The following ANKRD6 variants were observed in gnomAD, a reference collection of about 807,000 sequenced individuals.
ANKRD6 encodes ankyrin repeat domain 6.
A neutral mutation model predicts 82.3 loss-of-function variants in ANKRD6; 56 were observed. The observed-to-expected ratio is 0.68, with a 90% confidence interval of 0.55 to 0.85. ANKRD6 has a LOEUF of 0.85. Ranked by LOEUF, ANKRD6 falls within the 40% of genes least tolerant of loss-of-function variation. The pLI, the probability that ANKRD6 is intolerant of heterozygous loss-of-function variation, is 0.00. For missense variants in ANKRD6, 852 were observed against 907.6 expected, an observed-to-expected ratio of 0.94 and a Z score of 0.79; for synonymous variants, 347 against 352.1, an observed-to-expected ratio of 0.99 and a Z score of 0.16.
At chr6:89,580,680 T>G (rs1005868533) in intron 2 of ANKRD6, among the ~76,000 whole-genome samples, 1 of 152,130 alleles carries the variant, frequency 6.6e-6, no homozygotes. Flanking sequence ...ATGCTGGTGT[T>G]CTAAGGCAGG....
At chr6:89,624,996 G>A (rs1805110804) in intron 13 of ANKRD6, among the ~76,000 whole-genome samples, 1 of 152,140 alleles carries the variant, frequency 6.6e-6, no homozygotes, top group Admixed American at 6.5e-5. Flanking sequence ...TAATATTTGG[G>A]TTTAGGCTGG....
rs1424431738 is a variant in ANKRD6 at position 89,633,263 on chromosome 6, C to T, written c.*2259C>T. The T allele has an allele frequency of 6.6e-6, 1 of 152,150 alleles. No individual in the cohort carries two copies. The highest frequency in any genetic ancestry group is 1.5e-5 in the Non-Finnish European group (1 of 68,026). The allele number at this position is 152,150 out of a possible 1,614,324, so 9.4% of individuals were successfully genotyped here. A position where few individuals can be genotyped will look rare whatever the true frequency, so the allele number is the denominator to read the frequency against. ...GAACAGGCTCAGTCAGCATCCTCAC[C>T]CAGAGATGGCAACATCTATTAAGAC... On this transcript the variant is annotated 3_prime_UTR_variant, in exon 16 of 16. Transcript: ENST00000339746.
At chr6:89,544,677 G>C (rs1784848494) in intron 1 of ANKRD6, among the ~76,000 whole-genome samples, 1 of 152,048 alleles carries the variant, frequency 6.6e-6, no homozygotes, top group Non-Finnish European at 1.5e-5. Context: ...TTGTGCCACT[G>C]CACTCCAGCC....
chr6:89,566,721 A>C (rs1583323056), intron 1 of ANKRD6, 113 bp from the exon 2 acceptor site: 1 of 406,672 alleles, frequency 2.5e-6, no homozygotes, highest in Non-Finnish European at 4.6e-6. Context: ...TCCCACAGCT[A>C]CCCTCCCCTG....
chr6:89,467,511 A>G (rs1390696393), intron 1 of ANKRD6, among the ~76,000 whole-genome samples: 1 of 152,200 alleles, frequency 6.6e-6, no homozygotes, highest in African/African-American at 2.4e-5. Context: ...CTATCTTAGT[A>G]TTTTAACTCT....
chr6:89,482,224 G>A (rs1359370427), intron 1 of ANKRD6, among the ~76,000 whole-genome samples: 1 of 152,208 alleles, frequency 6.6e-6, no homozygotes, highest in Non-Finnish European at 1.5e-5. Flanking sequence ...TATATCAGCA[G>A]CTTTTTGAGA....
chr6:89,440,760 A>G (rs183165901), intron 1 of ANKRD6, among the ~76,000 whole-genome samples: 2 of 151,998 alleles, frequency 1.3e-5, no homozygotes, highest in East Asian at 3.9e-4. Flanking sequence ...ATGCCTATGA[A>G]TAGCCACTGC....
intron 1 of ANKRD6, among the ~76,000 whole-genome samples, chr6:89,530,786 C>A (rs756462112): frequency 4.6e-5 from 7 of 152,210 alleles, no homozygotes; most frequent in Non-Finnish European, 8.8e-5. Flanking sequence ...GAAAGTTGTA[C>A]TTGCTGGGTG....
In ANKRD6 at chr6:89,629,451, T is replaced by G. The variant is rs1334060758; in HGVS notation, c.1612+213T>G. ...CACTCATTTATGTGCTCAAACTTAT[T>G]TGAATAAAGGAATTAAAGAATTGTT... On this transcript the variant is annotated intron_variant, in intron 15 of 15. Coordinates refer to ENST00000339746, the MANE Select transcript of ANKRD6 (RefSeq NM_001242809.2). The G allele has an allele frequency of 5.1e-5, 33 of 644,588 alleles. 1 individual carries two copies. In the Admixed American group the frequency reaches 7.6e-4, roughly 15 times the overall value. 39.9% of individuals were successfully genotyped at this position (644,588 alleles called of 1,614,324 possible). A position where few individuals can be genotyped will look rare whatever the true frequency, so the allele number is the denominator to read the frequency against.
intron 6 of ANKRD6, among the ~76,000 whole-genome samples, chr6:89,612,715 C>T (rs1390130163): frequency 6.6e-6 from 1 of 152,148 alleles, no homozygotes; most frequent in Non-Finnish European, 1.5e-5. Context: ...GAGTGTTGTA[C>T]TATTATCAGC....
At chr6:89,612,830 T>C (rs981252914) in intron 6 of ANKRD6, among the ~76,000 whole-genome samples, 1 of 152,222 alleles carries the variant, frequency 6.6e-6, no homozygotes, top group Non-Finnish European at 1.5e-5. Context: ...TGGGATGAGC[T>C]GACCGGAAAG....
rs200093363 is a variant in ANKRD6 at position 89,627,647 on chromosome 6, G to A, written c.1436G>A (p.Arg479His). 4.4e-4 allele frequency: 709 copies of A among 1,613,692 alleles called. 2 individuals are homozygous for A. Among genetic ancestry groups the A allele is most frequent in the Non-Finnish European group, 5.6e-4 (658 of 1,179,726 alleles). The change falls in exon 14 of 16, where the codon CGC (arginine) becomes CAC (histidine). Residue 479 changes from arginine (R) to histidine (H), a missense_variant. Coordinates refer to ENST00000339746, the MANE Select transcript of ANKRD6 (RefSeq NM_001242809.2). ...GCAGAGAGGACGGAGTGCCTGAACC[G>A]CCTGCAACAGCACTCAGACACAGAG... is the stretch of plus-strand genomic sequence containing the variant. ...LSAERTECLN[R>H]LQQHSDTEKH...
intron 10 of ANKRD6, 74 bp from the exon 11 acceptor site, chr6:89,623,336 G>C (rs565914455): frequency 1.3e-6 from 2 of 1,513,262 alleles, no homozygotes; most frequent in Non-Finnish European, 1.8e-6. Context: ...ATCTTGCAAA[G>C]AATATTTGAC....
intron 3 of ANKRD6, among the ~76,000 whole-genome samples, chr6:89,596,370 C>A (rs905977808): frequency 6.6e-6 from 1 of 152,006 alleles, no homozygotes; most frequent in African/African-American, 2.4e-5. Flanking sequence ...TGAGTATGGG[C>A]AAGACTTGCC....
chr6:89,630,569 TACA>T lies in ANKRD6; in HGVS notation c.1750_1752del (p.Thr584del). The T allele has an allele frequency of 6.2e-7, 1 of 1,613,910 alleles. No homozygotes were observed. The highest frequency in any genetic ancestry group is 8.5e-7 in the Non-Finnish European group (1 of 1,179,828). ...AGCAGGAGCTGTCGTCTTCTGACTG[TACA>T]GGCTCCCGACTGAGAAACGTCAAGG... On this transcript the variant is annotated inframe_deletion, in exon 16 of 16. Coordinates refer to ENST00000339746, the MANE Select transcript of ANKRD6 (RefSeq NM_001242809.2).
chr6:89,603,831 T>G (rs1469433616), intron 4 of ANKRD6, among the ~76,000 whole-genome samples: 2 of 151,876 alleles, frequency 1.3e-5, no homozygotes, highest in Non-Finnish European at 2.9e-5. Flanking sequence ...ACAAAAAATT[T>G]GAAAATTAAG....
intron 14 of ANKRD6, 31 bp from the exon 15 acceptor site, chr6:89,629,081 C>T (rs748164838): frequency 3.9e-5 from 62 of 1,594,538 alleles, no homozygotes; most frequent in Admixed American, 6.9e-5. Flanking sequence ...CTTCTATGTA[C>T]TTATTTGTGG....
rs192947328 is a variant in ANKRD6, at chr6:89,540,769, T to G, written c.-143-26065T>G. Among the ~76,000 whole-genome samples, 143 of 152,344 alleles carry G rather than the reference T, an allele frequency of 9.4e-4. 1 individual carries two copies. The highest frequency in any genetic ancestry group is 3.4e-3 in the Middle Eastern group (1 of 294). ...TTGTTTCATGGTTGCGGTATTAGAT[T>G]TAAGTCTTTAATCCATTTTGATATG... On this transcript the variant is annotated intron_variant, in intron 1 of 15. Transcript: ENST00000339746.
intron 2 of ANKRD6, among the ~76,000 whole-genome samples, chr6:89,590,951 A>G (rs1794755545): frequency 6.6e-6 from 1 of 152,208 alleles, no homozygotes; most frequent in Non-Finnish European, 1.5e-5. Context: ...CAAGCGTTCA[A>G]TAAATTCTGG....
Sources: gnomAD v4.1 joint callset for allele counts (sites outside exome capture counted in the v4.1 genomes callset) on GRCh38, gnomAD v4.1.1 for gene constraint, MANE v1.5 for transcripts, NCBI Gene and HGNC (gene_info 2026-07-23, HGNC 2026-07-21) for gene names.